The following RABEP1 variants were observed in gnomAD, a reference collection of about 807,000 sequenced individuals.
RABEP1 encodes rabaptin, RAB GTPase binding effector protein 1.
A neutral mutation model predicts 123.4 loss-of-function variants in RABEP1; 51 were observed. That is an observed-to-expected ratio of 0.41 (90% CI 0.33 to 0.52). The LOEUF (loss-of-function observed/expected upper bound fraction) is 0.52, where lower values mean the gene tolerates loss of function less well. Among genes scored for constraint, RABEP1 ranks in the 20% least tolerant of loss-of-function variants. The pLI is 0.16. For synonymous variants in RABEP1, 347 were observed against 355.2 expected, an observed-to-expected ratio of 0.98 and a Z score of 0.26; for missense variants, 888 against 996.3, an observed-to-expected ratio of 0.89 and a Z score of 1.46.
intron 1 of RABEP1, among the ~76,000 whole-genome samples, chr17:5,289,167 C>T (rs1287494581): frequency 1.4e-3 from 7 of 4,854 alleles, no homozygotes; most frequent in African/African-American, 3.9e-3. Context: ...TCCCTTTCTT[C>T]TTCTTCTTCC....
At chr17:5,309,451 C>G (rs1015732105) in intron 2 of RABEP1, among the ~76,000 whole-genome samples, 2 of 151,962 alleles carry the variant, frequency 1.3e-5, no homozygotes, top group Non-Finnish European at 2.9e-5. Flanking sequence ...GTCGGGAGTT[C>G]AAGTCCAGCC....
chr17:5,376,245 C>T (rs981873892), intron 13 of RABEP1, among the ~76,000 whole-genome samples: 7 of 152,048 alleles, frequency 4.6e-5, no homozygotes, highest in African/African-American at 1.4e-4. Context: ...TGCTTGAGCC[C>T]AGGAGTTTGA....
chr17:5,327,506 G>GT (rs1171000753), intron 2 of RABEP1, among the ~76,000 whole-genome samples: 1 of 152,104 alleles, frequency 6.6e-6, no homozygotes, highest in East Asian at 1.9e-4. Flanking sequence ...TGTTGTGTAT[G>GT]TTTTTTGTTG....
At chr17:5,342,223 AAAAG>A (rs1907676548) in intron 5 of RABEP1, among the ~76,000 whole-genome samples, 1 of 151,840 alleles carries the variant, frequency 6.6e-6, no homozygotes, top group Non-Finnish European at 1.5e-5. Context: ...AGAGTAAAAA[AAAAG>A]AAAAAAAAGA....
At chr17:5,304,599 A>G (rs779970042) in intron 1 of RABEP1, among the ~76,000 whole-genome samples, 209 of 152,024 alleles carry the variant, frequency 1.4e-3, no homozygotes, top group Non-Finnish European at 2.4e-3. Context: ...AAAAAAAAAA[A>G]GTAGGCAATG....
At chr17:5,379,437 A>C (rs2144732482) in intron 15 of RABEP1, among the ~76,000 whole-genome samples, 2 of 152,194 alleles carry the variant, frequency 1.3e-5, no homozygotes, top group South Asian at 4.2e-4. Context: ...TTCAGAAGGA[A>C]AAAGTCTGTC....
At chr17:5,366,184 T>C (rs953107582) in intron 11 of RABEP1, among the ~76,000 whole-genome samples, 2 of 152,210 alleles carry the variant, frequency 1.3e-5, no homozygotes, top group Admixed American at 1.3e-4. Context: ...TTTCGGTGGA[T>C]GTATAATGGT....
chr17:5,325,890 A>G (rs1905925124), intron 2 of RABEP1, among the ~76,000 whole-genome samples: 1 of 152,232 alleles, frequency 6.6e-6, no homozygotes, highest in Non-Finnish European at 1.5e-5. Context: ...CCAAATGGGC[A>G]GAAGACCCAA....
At chr17:5,313,566 A>C (rs1412405862) in intron 2 of RABEP1, among the ~76,000 whole-genome samples, 1 of 152,214 alleles carries the variant, frequency 6.6e-6, no homozygotes, top group Non-Finnish European at 1.5e-5. Context: ...CCATTTCTGA[A>C]ATGCATTATC....
At chr17:5,374,620 T>A (rs1910830621) in intron 13 of RABEP1, among the ~76,000 whole-genome samples, 1 of 149,694 alleles carries the variant, frequency 6.7e-6, no homozygotes, top group Non-Finnish European at 1.5e-5. Flanking sequence ...TCTGTATTTT[T>A]ATTTTTTTTA....
intron 9 of RABEP1, chr17:5,362,033 A>G (rs937497698): frequency 2.2e-5 from 4 of 184,614 alleles, no homozygotes; most frequent in Non-Finnish European, 4.6e-5. Context: ...TGCAGGATCC[A>G]GGCTTTCATC....
At chr17:5,288,441 G>A (rs559660978) in intron 1 of RABEP1, among the ~76,000 whole-genome samples, 1 of 152,280 alleles carries the variant, frequency 6.6e-6, no homozygotes, top group East Asian at 1.9e-4. Context: ...AGTCGCCCAG[G>A]CTAGAGTGCA....
rs762846544 is a variant in RABEP1 at position 5,346,848 on chromosome 17, T to C, written c.707T>C (p.Met236Thr). 6.2e-7 allele frequency: 1 copy of C among 1,609,812 alleles called. No homozygotes were observed. Among genetic ancestry groups the C allele is most frequent in the Non-Finnish European group, 8.5e-7 (1 of 1,177,460 alleles). ...AAATCTTGTAGGACTGATCTAGAGA[T>C]GTATGTAGCTGTTTTGAATACTCAG... ...AEKSCRTDLE[M>T]YVAVLNTQKS... The change falls in exon 6 of 18, where the codon ATG becomes ACG. Residue 236 changes from methionine (M) to threonine (T), a missense_variant. Met to Thr is a moderately conservative substitution (Grantham distance 81, BLOSUM62 -1). Transcript: ENST00000537505.
intron 17 of RABEP1, 46 bp downstream of exon 17, chr17:5,381,551 G>A: frequency 6.3e-7 from 1 of 1,590,048 alleles, no homozygotes; most frequent in East Asian, 2.3e-5. Flanking sequence ...GGCAGTTTTG[G>A]GGGACAGAAC....
intron 1 of RABEP1, among the ~76,000 whole-genome samples, chr17:5,282,734 C>T (rs904767918): frequency 1.3e-5 from 2 of 148,978 alleles, no homozygotes; most frequent in African/African-American, 4.9e-5. Context: ...GGCGCGGGTG[C>T]AGCGCTTGCG....
chr17:5,311,866 T>C (rs555529002), intron 2 of RABEP1, among the ~76,000 whole-genome samples: 57 of 152,306 alleles, frequency 3.7e-4, no homozygotes, highest in Admixed American at 3.5e-3. Context: ...TATTGTAGTT[T>C]TATTTTTTTA....
intron 4 of RABEP1, chr17:5,336,786 T>C (rs574429472): frequency 5.8e-6 from 1 of 173,332 alleles, no homozygotes; most frequent in African/African-American, 2.4e-5. Context: ...TATTTTAACT[T>C]GTCTTTTCCA....
At position 5,380,394 on chromosome 17, in the gene RABEP1, C is replaced by A. The variant is rs529810793; in HGVS notation, c.2302C>A (p.Gln768Lys). ...GTCCACATTAAGAGAGAAGTCTCAA[C>A]AGCTTGAGAGTCTTCAGGAAATAAA... Reference protein sequence around the residue: ...LESTLREKSQQLESLQEIKIS... With the variant: ...LESTLREKSQKLESLQEIKIS... The change falls in exon 16 of 18, where the codon CAG (glutamine) becomes AAG (lysine). Residue 768 changes from glutamine (Q) to lysine (K), a missense_variant. Coordinates refer to ENST00000537505, the MANE Select transcript of RABEP1 (RefSeq NM_004703.6). The A allele has an allele frequency of 1.3e-6, 2 of 1,573,112 alleles. No individual in the cohort carries two copies. The highest frequency in any genetic ancestry group is 1.2e-5 in the South Asian group (1 of 85,374).
chr17:5,323,785 TATATATATCTAGGA>T (rs1444817943), intron 2 of RABEP1, among the ~76,000 whole-genome samples: 3 of 132,624 alleles, frequency 2.3e-5, no homozygotes, highest in African/African-American at 9.0e-5. Context: ...TAGGAATATA[TATATATATCTAGGA>T]ATATATATAT....
Sources: allele counts gnomAD v4.1 joint callset (sites outside exome capture counted in the v4.1 genomes callset), GRCh38; gene constraint gnomAD v4.1.1; transcripts MANE v1.5; gene names NCBI Gene and HGNC (gene_info 2026-07-23, HGNC 2026-07-21).